The following PTPRD variants were observed in gnomAD, a reference collection of about 807,000 sequenced individuals.
The protein encoded by PTPRD is protein tyrosine phosphatase receptor type D, also known as receptor-type tyrosine-protein phosphatase delta.
PTPRD carries 34 observed loss-of-function variants against 214.5 expected under a neutral mutation model. That is an observed-to-expected ratio of 0.16 (90% confidence interval 0.12 to 0.21). The LOEUF (loss-of-function observed/expected upper bound fraction) is 0.21, where lower values mean the gene tolerates loss of function less well. PTPRD is among the 10% of genes least tolerant of loss of function. The pLI is 1.00. For missense variants in PTPRD, 2,545 were observed against 2,398.7 expected, an observed-to-expected ratio of 1.06 and a Z score of -1.27; for synonymous variants, 1,128 against 845.7, an observed-to-expected ratio of 1.33 and a Z score of -5.79.
intron 27 of PTPRD, among the ~76,000 whole-genome samples, chr9:8,488,989 G>A (rs1460950222): frequency 6.6e-6 from 1 of 152,100 alleles, no homozygotes; most frequent in African/African-American, 2.4e-5. Flanking sequence ...TATATACACC[G>A]TGTATCCTGT....
chr9:9,403,297 A>AAAAAAC lies in PTPRD; in HGVS notation c.-236-5816_-236-5815insGTTTTT, dbSNP rs1555359962. Among the ~76,000 whole-genome samples the AAAAAAC allele has an allele frequency of 3.3e-5, 5 of 149,514 alleles. No individual in the cohort carries two copies. The East Asian group carries it at 8.0e-4, about 24-fold the overall frequency. ...CAGAGGAATACTCTGTCTCAAAAAAAAAAAAAAAAAAAAACCAAAACAAAA... is the reference window on the plus strand; with the variant it reads ...CAGAGGAATACTCTGTCTCAAAAAAAAAAAACAAAAAAAAAAAAAACCAAAACAAAA... On this transcript the variant is annotated intron_variant, in intron 8 of 45. Coordinates refer to ENST00000381196, the MANE Select transcript of PTPRD (RefSeq NM_002839.4).
intron 3 of PTPRD, among the ~76,000 whole-genome samples, chr9:10,100,252 C>T (rs2098538602): frequency 6.6e-6 from 1 of 151,634 alleles, no homozygotes; most frequent in South Asian, 2.1e-4. Flanking sequence ...TTTCACTAAG[C>T]ACTTTCCATC....
chr9:9,671,557 C>G (rs1264619270), intron 7 of PTPRD, among the ~76,000 whole-genome samples: 1 of 152,130 alleles, frequency 6.6e-6, no homozygotes, highest in Non-Finnish European at 1.5e-5. Flanking sequence ...CCCACAAAAT[C>G]TCTTCTTGAA....
At chr9:9,338,198 A>G (rs2045352882) in intron 9 of PTPRD, among the ~76,000 whole-genome samples, 1 of 152,222 alleles carries the variant, frequency 6.6e-6, no homozygotes, top group African/African-American at 2.4e-5. Flanking sequence ...AGTGCAAAGA[A>G]TTATTCTTAT....
Position 9,774,545 on chromosome 9 carries a change from C to G in PTPRD, c.-367-7694G>C, listed in dbSNP as rs552130132. Among the ~76,000 whole-genome samples, 9 of 152,258 alleles carry G rather than the reference C, an allele frequency of 5.9e-5. No homozygotes were observed. The East Asian group carries it at 1.4e-3, about 23-fold the overall frequency. ...TGATTAATCTCATAGTGAATACCAT[C>G]AACTTCAACAGCCAGCTAAGGCCAC... On this transcript the variant is annotated intron_variant, in intron 5 of 45. Coordinates refer to ENST00000381196, the MANE Select transcript of PTPRD (RefSeq NM_002839.4).
At chr9:9,520,936 A>G (rs2096956073) in intron 8 of PTPRD, among the ~76,000 whole-genome samples, 1 of 152,198 alleles carries the variant, frequency 6.6e-6, no homozygotes, top group Non-Finnish European at 1.5e-5. Context: ...CAACTGCACC[A>G]GAATCATCTG....
At chr9:9,953,656 G>T (rs1251264852) in intron 4 of PTPRD, among the ~76,000 whole-genome samples, 1 of 152,028 alleles carries the variant, frequency 6.6e-6, no homozygotes, top group Non-Finnish European at 1.5e-5. Flanking sequence ...CTGTGATATT[G>T]GTTTATCTGA....
chr9:10,526,792 T>G (rs2054423877), intron 2 of PTPRD, among the ~76,000 whole-genome samples: 1 of 152,104 alleles, frequency 6.6e-6, no homozygotes, highest in African/African-American at 2.4e-5. Context: ...GAAGGAAATT[T>G]TATTAACTTG....
At chr9:8,494,897 G>A (rs1347355769) in intron 26 of PTPRD, among the ~76,000 whole-genome samples, 1 of 152,056 alleles carries the variant, frequency 6.6e-6, no homozygotes, top group East Asian at 1.9e-4. Flanking sequence ...GTGAGGTGAT[G>A]TGCCTGATAT....
At chr9:9,693,283 G>A (rs1189244799) in intron 7 of PTPRD, among the ~76,000 whole-genome samples, 1 of 152,050 alleles carries the variant, frequency 6.6e-6, no homozygotes, top group African/African-American at 2.4e-5. Flanking sequence ...CTGGTGAGAA[G>A]TGACTGGGTT....
At chr9:9,909,600 C>A (rs945180207) in intron 5 of PTPRD, among the ~76,000 whole-genome samples, 1 of 151,710 alleles carries the variant, frequency 6.6e-6, no homozygotes, top group East Asian at 1.9e-4. Flanking sequence ...AAATATGGGG[C>A]AGTTTAATTG....
chr9:8,525,605 TAAGAA>T (rs1039791798), intron 17 of PTPRD, among the ~76,000 whole-genome samples: 3 of 152,164 alleles, frequency 2.0e-5, no homozygotes, highest in African/African-American at 7.2e-5. Flanking sequence ...TGCAGATTTT[TAAGAA>T]AAGAAAGACA....
At chr9:8,464,910 T>C (rs1039195981) in intron 32 of PTPRD, among the ~76,000 whole-genome samples, 3 of 151,922 alleles carry the variant, frequency 2.0e-5, no homozygotes, top group Non-Finnish European at 4.4e-5. Context: ...CTGCTGTATT[T>C]GCCTCTTTCT....
At chr9:10,394,252 T>C (rs1365494598) in intron 2 of PTPRD, among the ~76,000 whole-genome samples, 1 of 147,178 alleles carries the variant, frequency 6.8e-6, no homozygotes, top group African/African-American at 2.5e-5. Context: ...ATATAGAAAA[T>C]ATAACCATTT....
At chr9:9,285,840 T>A (rs16924715) in intron 9 of PTPRD, among the ~76,000 whole-genome samples, 1,726 of 151,960 alleles carry the variant, frequency 0.011, 32 homozygotes, top group African/African-American at 0.04. Context: ...TCTTTGTATG[T>A]AGATAGCTCT....
At chr9:10,335,283 A>T (rs998854565) in intron 3 of PTPRD, among the ~76,000 whole-genome samples, 1 of 151,788 alleles carries the variant, frequency 6.6e-6, no homozygotes, top group African/African-American at 2.4e-5. Flanking sequence ...ACAGACTCAC[A>T]TAAACATAGT....
chr9:10,580,153 T>C (rs2071204320), intron 2 of PTPRD, among the ~76,000 whole-genome samples: 1 of 152,202 alleles, frequency 6.6e-6, no homozygotes, highest in Admixed American at 6.5e-5. Flanking sequence ...TCACTCTTTT[T>C]TCTATAAAAG....
intron 14 of PTPRD, among the ~76,000 whole-genome samples, chr9:8,579,694 C>T (rs1455189322): frequency 2.6e-5 from 4 of 152,176 alleles, no homozygotes; most frequent in African/African-American, 9.7e-5. Flanking sequence ...TTGACCAGAT[C>T]TGGGAAAGGC....
At chr9:10,313,011 C>G (rs2096310778) in intron 3 of PTPRD, among the ~76,000 whole-genome samples, 1 of 151,888 alleles carries the variant, frequency 6.6e-6, no homozygotes, top group African/African-American at 2.4e-5. Context: ...TTGAAGATAA[C>G]CAGACACAAC....
Sources: gnomAD v4.1 joint callset for allele counts (sites outside exome capture counted in the v4.1 genomes callset) on GRCh38, gnomAD v4.1.1 for gene constraint, MANE v1.5 for transcripts, NCBI Gene and HGNC (gene_info 2026-07-23, HGNC 2026-07-21) for gene names.